The following ZC3H12B variants were observed in gnomAD, a reference collection of about 807,000 sequenced individuals.
ZC3H12B encodes the protein zinc finger CCCH-type containing 12B.
ZC3H12B carries 7 observed loss-of-function variants against 43.9 expected under a neutral mutation model. The observed-to-expected ratio is 0.16, with a 90% CI of 0.09 to 0.30. The LOEUF is 0.30. Ranked by LOEUF, ZC3H12B falls within the 10% of genes least tolerant of loss-of-function variation. ZC3H12B has a pLI of 1.00. For synonymous variants in ZC3H12B, 222 were observed against 241.7 expected (o/e 0.92, Z 0.76); for missense variants, 475 against 670.2 (o/e 0.71, Z 3.22).
At chrX:65,301,602 AG>A in the ZC3H12B span, among the ~76,000 whole-genome samples, 1 of 111,689 alleles carries the variant, frequency 9.0e-6, no homozygotes, top group African/African-American at 3.3e-5. Context: ...CAAGTAACTC[AG>A]GAATGGAAAA....
chrX:65,331,083 T>C, the ZC3H12B span: 1 of 315,715 alleles, frequency 3.2e-6, no homozygotes, highest in South Asian at 3.5e-5. Context: ...ACCCTATTTT[T>C]ATTCCACCAA....
chrX:65,484,999 CCTGCATATGTTTCT>C (rs1239687431), upstream of ZC3H12B, among the ~76,000 whole-genome samples: 1 of 111,424 alleles, frequency 9.0e-6, no homozygotes, highest in Non-Finnish European at 1.9e-5. Context: ...GCAGATTTTG[CCTGCATATGTTTCT>C]CTGCTTTTTT....
At chrX:65,197,859 A>G in the ZC3H12B span, among the ~76,000 whole-genome samples, 4 of 112,128 alleles carry the variant, frequency 3.6e-5, no homozygotes, top group Non-Finnish European at 7.5e-5. Context: ...CACTCAGCCC[A>G]TAAATATGGC....
At chrX:65,194,636 A>G in the ZC3H12B span, among the ~76,000 whole-genome samples, 10 of 112,096 alleles carry the variant, frequency 8.9e-5, no homozygotes, top group South Asian at 3.7e-4. Context: ...GAGGACAATC[A>G]TGTCTATTCT....
chrX:65,338,367 T>C, the ZC3H12B span, among the ~76,000 whole-genome samples: 1 of 111,718 alleles, frequency 9.0e-6, no homozygotes, highest in African/African-American at 3.3e-5. Flanking sequence ...GAATCACTAA[T>C]TTAAAAACCC....
the ZC3H12B span, among the ~76,000 whole-genome samples, chrX:65,306,539 AT>A: frequency 1.8e-5 from 2 of 110,432 alleles, no homozygotes; most frequent in East Asian, 5.7e-4. Context: ...CGCCCAGCTA[AT>A]TTTTTGTGTG....
the ZC3H12B span, among the ~76,000 whole-genome samples, chrX:65,050,096 ACTTT>A: frequency 9.0e-6 from 1 of 110,903 alleles, no homozygotes; most frequent in South Asian, 3.7e-4. Flanking sequence ...GAATTTTCCA[ACTTT>A]CTTTAAGCTA....
chrX:65,264,248 C>A, the ZC3H12B span, among the ~76,000 whole-genome samples: 1 of 111,321 alleles, frequency 9.0e-6, no homozygotes, highest in African/African-American at 3.3e-5. Context: ...AAATTTCAGA[C>A]TTCACCGCTA....
chrX:65,209,814 G>A, the ZC3H12B span, among the ~76,000 whole-genome samples: 298 of 100,338 alleles, frequency 3.0e-3, no homozygotes, highest in Middle Eastern at 0.01. Context: ...ACAAGCAATG[G>A]GGAAAGGATT....
intron 2 of ZC3H12B, among the ~76,000 whole-genome samples, chrX:65,374,678 C>G (rs2066320003): frequency 9.0e-6 from 1 of 110,717 alleles, no homozygotes; most frequent in Non-Finnish European, 1.9e-5. Flanking sequence ...TAAAGAACTG[C>G]CCGATACTGG....
chrX:65,404,258 G>C (rs1489479571), intron 3 of ZC3H12B, among the ~76,000 whole-genome samples: 1 of 111,380 alleles, frequency 9.0e-6, no homozygotes, highest in African/African-American at 3.3e-5. Context: ...AAAACAAAAA[G>C]CAAGATAAAT....
the ZC3H12B span, among the ~76,000 whole-genome samples, chrX:65,253,947 A>G: frequency 1.8e-5 from 2 of 112,032 alleles, no homozygotes; most frequent in Middle Eastern, 4.2e-3. Context: ...TCAGGTCTTC[A>G]TGTGCACCCC....
chrX:65,272,882 G>C, the ZC3H12B span: 1 of 112,045 alleles, frequency 8.9e-6, no homozygotes, highest in African/African-American at 3.3e-5. Context: ...AATACTGTAG[G>C]CATTACTGTC....
intron 3 of ZC3H12B, among the ~76,000 whole-genome samples, chrX:65,454,575 G>T (rs1205303524): frequency 1.8e-5 from 2 of 112,186 alleles, no homozygotes; most frequent in Non-Finnish European, 3.8e-5. Context: ...CAAATAAAAG[G>T]CAGCAGAAAC....
chrX:65,234,803 A>C, the ZC3H12B span, among the ~76,000 whole-genome samples: 2 of 111,780 alleles, frequency 1.8e-5, no homozygotes, highest in African/African-American at 3.3e-5. Context: ...TCTTGGTATT[A>C]AGGCCAGTAT....
chrX:65,487,895 G>A (rs1453004654), upstream of ZC3H12B, among the ~76,000 whole-genome samples: 1 of 110,994 alleles, frequency 9.0e-6, no homozygotes, highest in African/African-American at 3.3e-5. Flanking sequence ...TTTTTGAGAC[G>A]GAGTCTCACT....
At chrX:65,335,725 C>T in the ZC3H12B span, among the ~76,000 whole-genome samples, 284 of 111,700 alleles carry the variant, frequency 2.5e-3, 5 homozygotes, top group Admixed American at 0.026. Context: ...ATTGCTCTTC[C>T]GAGAGAGAGC....
chrX:65,140,396 T>A, the ZC3H12B span, among the ~76,000 whole-genome samples: 1 of 111,867 alleles, frequency 8.9e-6, no homozygotes, highest in Non-Finnish European at 1.9e-5. Flanking sequence ...GCATATCAAA[T>A]TTATAAATTT....
At chrX:65,458,085 TAAAAA>T (rs59738258) in intron 3 of ZC3H12B, among the ~76,000 whole-genome samples, 15 of 49,065 alleles carry the variant, frequency 3.1e-4, no homozygotes, top group African/African-American at 1.3e-3. Flanking sequence ...AAAAAAAAAT[TAAAAA>T]AAAAAAAAAA....
Sources: gnomAD v4.1 joint callset for allele counts (sites outside exome capture counted in the v4.1 genomes callset) on GRCh38, gnomAD v4.1.1 for gene constraint, MANE v1.5 for transcripts, NCBI Gene and HGNC (gene_info 2026-07-23, HGNC 2026-07-21) for gene names.